The following RAG1 variants were observed in gnomAD, a reference collection of about 807,000 sequenced individuals.
RAG1 encodes the protein V(D)J recombination-activating protein 1.
In RAG1, 35 loss-of-function variants were observed where a neutral mutation model predicts 62.7. The ratio of observed to expected loss-of-function variants is 0.56; its 90% confidence interval spans 0.43 to 0.74. The LOEUF is 0.74. Ranked by LOEUF, RAG1 falls within the 30% of genes least tolerant of loss-of-function variation. The pLI, the probability that RAG1 is intolerant of heterozygous loss-of-function variation, is 0.00. For synonymous variants in RAG1, 461 were observed against 470.3 expected (o/e 0.98, Z 0.26); for missense variants, 1,169 against 1,278.6 (o/e 0.91, Z 1.31).
At chr11:36,535,129 A>G (rs888058897) in intron 2 of RAG1, among the ~76,000 whole-genome samples, 1 of 152,196 alleles carries the variant, frequency 6.6e-6, no homozygotes, top group East Asian at 1.9e-4. Flanking sequence ...TGGATTCCTG[A>G]AAGAAGTTGT....
upstream of RAG1, among the ~76,000 whole-genome samples, chr11:36,566,901 A>G (rs577578459): frequency 5.9e-5 from 9 of 152,342 alleles, no homozygotes; most frequent in African/African-American, 1.9e-4. Flanking sequence ...GCAGCACAGA[A>G]CAGTGAAATC....
chr11:36,513,914 C>T (rs1859960608), intron 1 of RAG1, among the ~76,000 whole-genome samples: 1 of 152,158 alleles, frequency 6.6e-6, no homozygotes, highest in African/African-American at 2.4e-5. Context: ...AGCTACAATT[C>T]AAGATGAGAT....
intron 3 of RAG1, among the ~76,000 whole-genome samples, chr11:36,557,555 A>G (rs1016038998): frequency 6.6e-6 from 1 of 151,698 alleles, no homozygotes; most frequent in Non-Finnish European, 1.5e-5. Context: ...ATGGAAATGC[A>G]GAAATCACCC....
intron 2 of RAG1, among the ~76,000 whole-genome samples, chr11:36,529,333 T>C (rs1172327958): frequency 6.6e-6 from 1 of 152,150 alleles, no homozygotes; most frequent in Non-Finnish European, 1.5e-5. Context: ...GCAAGGATGG[T>C]TCAACATACG....
intron 3 of RAG1, among the ~76,000 whole-genome samples, chr11:36,550,067 G>A (rs1167028807): frequency 6.6e-6 from 1 of 152,096 alleles, no homozygotes; most frequent in African/African-American, 2.4e-5. Flanking sequence ...TGAACAATGA[G>A]AACACATGGA....
intron 1 of RAG1, among the ~76,000 whole-genome samples, chr11:36,570,586 A>G (rs905848038): frequency 6.6e-6 from 1 of 152,166 alleles, no homozygotes; most frequent in Non-Finnish European, 1.5e-5. Flanking sequence ...AGTTTTTTTG[A>G]GGACCTCCAT....
At chr11:36,521,451 T>G (rs1470477790) in intron 2 of RAG1, among the ~76,000 whole-genome samples, 1 of 152,184 alleles carries the variant, frequency 6.6e-6, no homozygotes, top group African/African-American at 2.4e-5. Flanking sequence ...CCATGTGAGA[T>G]ATGCCTTTCA....
At chr11:36,565,591 C>G (rs1850650971), upstream of RAG1, among the ~76,000 whole-genome samples, 1 of 152,210 alleles carries the variant, frequency 6.6e-6, no homozygotes, top group African/African-American at 2.4e-5. Context: ...TTGGCCAATA[C>G]ATGTCAGCAG....
At chr11:36,547,304 C>T (rs1416827932) in intron 3 of RAG1, among the ~76,000 whole-genome samples, 2 of 151,890 alleles carry the variant, frequency 1.3e-5, no homozygotes, top group East Asian at 3.9e-4. Context: ...GAGATAGAGA[C>T]ACACAAACTC....
At chr11:36,525,994 C>T (rs1441183508) in intron 2 of RAG1, among the ~76,000 whole-genome samples, 1 of 152,200 alleles carries the variant, frequency 6.6e-6, no homozygotes, top group Non-Finnish European at 1.5e-5. Flanking sequence ...TGGTCGATTA[C>T]ATTAACTGGG....
At position 36,574,495 on chromosome 11, in the gene RAG1, A is replaced by T; in HGVS notation, c.1191A>T (p.Gln397His). 1 of 1,614,228 alleles carries T rather than the reference A, an allele frequency of 6.2e-7. No individual in the cohort carries two copies. Among genetic ancestry groups the T allele is most frequent in the Non-Finnish European group, 8.5e-7 (1 of 1,180,038 alleles). Residue 397 changes from glutamine (Q) to histidine (H), a missense_variant, in exon 2 of 2, where the codon CAA becomes CAT. This residue lies in a region of RAG1 where 800 missense variants were observed against 943.3 expected (regional missense o/e 0.85). Coordinates refer to ENST00000299440, the MANE Select transcript of RAG1 (RefSeq NM_000448.3). ...VHINKGGRPR[Q>H]HLLSLTRRAQ... is the part of the protein sequence containing the mutation. ...TTAATAAAGGGGGCCGGCCCCGCCA[A>T]CATCTTCTGTCGCTGACTCGGAGAG...
At chr11:36,571,595 T>C (rs1850745993) in intron 1 of RAG1, among the ~76,000 whole-genome samples, 1 of 152,182 alleles carries the variant, frequency 6.6e-6, no homozygotes, top group South Asian at 2.1e-4. Context: ...AGAAATTTGC[T>C]TTTAATTTTT....
intron 2 of RAG1, among the ~76,000 whole-genome samples, chr11:36,529,368 C>T (rs915868150): frequency 2.8e-4 from 43 of 152,048 alleles, no homozygotes; most frequent in African/African-American, 8.5e-4. Flanking sequence ...TAATCCCTCA[C>T]GTAAACAGAA....
chr11:36,576,066 A>C lies in RAG1; in HGVS notation c.2762A>C (p.Glu921Ala), dbSNP rs772492017. 1 of 1,614,080 alleles carries C rather than the reference A, an allele frequency of 6.2e-7. No homozygotes were observed. The highest frequency in any genetic ancestry group is 8.5e-7 in the Non-Finnish European group (1 of 1,180,032). ...QYSFNSQRFAELLSTKFKYRY... is the reference protein window; with the variant it reads ...QYSFNSQRFAALLSTKFKYRY... The stretch of plus-strand genomic sequence containing the variant: ...AGTTTCAATTCACAGCGTTTTGCTG[A>C]GCTCCTTTCTACGAAGTTCAAGTAT... Residue 921 changes from glutamate (E) to alanine (A), a missense_variant, in exon 2 of 2, where the codon GAG (glutamate) becomes GCG (alanine). Coordinates refer to ENST00000299440, the MANE Select transcript of RAG1 (RefSeq NM_000448.3).
chr11:36,563,440 T>A (rs1490349569), upstream of RAG1: 1 of 152,080 alleles, frequency 6.6e-6, no homozygotes, highest in Non-Finnish European at 1.5e-5. Context: ...ACACTACGGA[T>A]TTTCCTGGTT....
intron 2 of RAG1, among the ~76,000 whole-genome samples, chr11:36,530,156 C>A (rs960356792): frequency 1.3e-5 from 2 of 151,860 alleles, no homozygotes; most frequent in African/African-American, 4.8e-5. Flanking sequence ...TCTGCAGGGT[C>A]TATACTGATA....
intron 2 of RAG1, among the ~76,000 whole-genome samples, chr11:36,522,182 G>T (rs1461011480): frequency 6.6e-6 from 1 of 152,220 alleles, no homozygotes; most frequent in African/African-American, 2.4e-5. Context: ...TCCAGGGTAT[G>T]TCAGAGGCCT....
downstream of RAG1, among the ~76,000 whole-genome samples, chr11:36,539,331 C>A (rs954225290): frequency 2.0e-5 from 3 of 152,180 alleles, no homozygotes; most frequent in Non-Finnish European, 2.9e-5. Context: ...TGTCTTCCAG[C>A]CTCTGGAAGT....
intron 1 of RAG1, among the ~76,000 whole-genome samples, chr11:36,569,910 C>A (rs1215614299): frequency 6.6e-6 from 1 of 152,122 alleles, no homozygotes; most frequent in African/African-American, 2.4e-5. Context: ...TCATTCTATT[C>A]TCTGCTTTTT....
Sources: allele counts gnomAD v4.1 joint callset (sites outside exome capture counted in the v4.1 genomes callset), GRCh38; gene constraint gnomAD v4.1.1; regional missense constraint gnomAD v4.1.1; transcripts MANE v1.5; gene names NCBI Gene and HGNC (gene_info 2026-07-23, HGNC 2026-07-21).